TYW1: variants seen among roughly 807,000 people sequenced by gnomAD.
The protein encoded by TYW1 is S-adenosyl-L-methionine-dependent tRNA 4-demethylwyosine synthase TYW1.
TYW1 carries 46 observed loss-of-function variants against 96.2 expected under a neutral mutation model. The ratio of observed to expected loss-of-function variants is 0.48; its 90% CI spans 0.38 to 0.61. The LOEUF (loss-of-function observed/expected upper bound fraction) is 0.61, where lower values mean the gene tolerates loss of function less well. Among genes scored for constraint, TYW1 ranks in the 20% least tolerant of loss-of-function variants. TYW1 has a pLI of 0.00. For synonymous variants in TYW1, 274 were observed against 323.0 expected (o/e 0.85, Z 1.63); for missense variants, 684 against 909.6 (o/e 0.75, Z 3.19).
intron 15 of TYW1, among the ~76,000 whole-genome samples, chr7:67,227,343 G>A (rs185602310): frequency 1.3e-5 from 2 of 152,154 alleles, no homozygotes; most frequent in South Asian, 2.1e-4. Flanking sequence ...AGCAACCTCC[G>A]CCTCCCAGGT....
chr7:67,010,476 GA>G (rs1475678362), intron 4 of TYW1, among the ~76,000 whole-genome samples: 1 of 148,308 alleles, frequency 6.7e-6, no homozygotes. Flanking sequence ...AATTTTAAAA[GA>G]TTTTTTTTTT....
chr7:67,172,661 G>A (rs1296955049), intron 13 of TYW1, among the ~76,000 whole-genome samples: 1 of 152,110 alleles, frequency 6.6e-6, no homozygotes, highest in African/African-American at 2.4e-5. Flanking sequence ...GACCTCAGGG[G>A]ATCTGCTCAC....
chr7:67,077,186 G>T lies in TYW1; in HGVS notation c.1275-6244G>T, dbSNP rs1796234092. Among the ~76,000 whole-genome samples the T allele has an allele frequency of 2.0e-5, 3 of 152,146 alleles. No homozygotes were observed. In the South Asian group the frequency reaches 6.2e-4, roughly 32 times the overall value. On this transcript the variant is annotated intron_variant, in intron 10 of 15. Transcript: ENST00000359626. ...GTTGGTTCTGTATCTTGGTGATTGT[G>T]AATAGTGCTGCCATAAGCATGAGAA...
chr7:67,227,439 T>C (rs1801600440), intron 15 of TYW1, among the ~76,000 whole-genome samples: 1 of 152,254 alleles, frequency 6.6e-6, no homozygotes, highest in East Asian at 1.9e-4. Context: ...GTATTTTTAG[T>C]AGAGACGGAG....
chr7:67,085,264 TCCATAATCC>T (rs1796511776), intron 11 of TYW1, among the ~76,000 whole-genome samples: 2 of 152,178 alleles, frequency 1.3e-5, no homozygotes, highest in South Asian at 4.1e-4. Context: ...AATTGTAATC[TCCATAATCC>T]CCATAATCCC....
chr7:67,229,063 C>G (rs963540338), intron 15 of TYW1, among the ~76,000 whole-genome samples: 3 of 152,126 alleles, frequency 2.0e-5, no homozygotes, highest in African/African-American at 7.2e-5. Flanking sequence ...TAAATAAAAT[C>G]AAAGAAATCA....
At chr7:67,140,374 G>GA (rs200778624) in intron 13 of TYW1, among the ~76,000 whole-genome samples, 10,434 of 137,408 alleles carry the variant, frequency 0.076, 373 homozygotes, top group South Asian at 0.18. Flanking sequence ...GAATAATTCT[G>GA]AAAAAAAAAA....
intron 15 of TYW1, among the ~76,000 whole-genome samples, chr7:67,205,449 C>A (rs1203313294): frequency 6.6e-6 from 1 of 151,466 alleles, no homozygotes; most frequent in African/African-American, 2.4e-5. Context: ...TAAGCTTCTT[C>A]TGACACCACT....
At chr7:67,067,111 A>G in intron 9 of TYW1, 174 bp from the exon 10 acceptor site, 1 of 695,974 alleles carries the variant, frequency 1.4e-6, no homozygotes, top group South Asian at 1.9e-5. Flanking sequence ...GTAAAAACCC[A>G]AAGCACTGCC....
Position 67,195,354 on chromosome 7 carries a change from C to T in TYW1, c.1977+17C>T. On this transcript the variant is annotated intron_variant, in intron 15 of 15. Transcript: ENST00000359626. Reference sequence around the variant, plus strand: ...CACAGAAAGGTAAGAATAACTCAAACATGGATTCTTCTGTTCCCCGACCCT... The same window carrying T: ...CACAGAAAGGTAAGAATAACTCAAATATGGATTCTTCTGTTCCCCGACCCT... The T allele has an allele frequency of 6.2e-7, 1 of 1,613,158 alleles. No homozygotes were observed. Among genetic ancestry groups the T allele is most frequent in the Non-Finnish European group, 8.5e-7 (1 of 1,179,394 alleles).
Position 66,996,835 on chromosome 7 carries a change from G to T in TYW1, c.-144G>T. On this transcript the variant is annotated 5_prime_UTR_variant, in exon 1 of 16. Coordinates refer to ENST00000359626, the MANE Select transcript of TYW1 (RefSeq NM_018264.4). Reference sequence around the variant, plus strand: ...CCTCTGAACCAATCAGGACCGGCCTGGCAGTGTCATGGCTGCCCACAGGTC... The same window carrying T: ...CCTCTGAACCAATCAGGACCGGCCTTGCAGTGTCATGGCTGCCCACAGGTC... The T allele has an allele frequency of 6.8e-7, 1 of 1,460,962 alleles. No homozygotes were observed. Among genetic ancestry groups the T allele is most frequent in the Non-Finnish European group, 9.4e-7 (1 of 1,066,778 alleles). The allele number at this position is 1,460,962 out of a possible 1,614,324, so 90.5% of individuals were successfully genotyped here. A position where few individuals can be genotyped will look rare whatever the true frequency, so the allele number is the denominator to read the frequency against.
chr7:67,150,440 C>T (rs1798759517), intron 13 of TYW1, among the ~76,000 whole-genome samples: 3 of 152,170 alleles, frequency 2.0e-5, no homozygotes, highest in Admixed American at 2.0e-4. Flanking sequence ...CATTATCAAA[C>T]ACAAAGATTA....
chr7:67,036,920 C>T (rs536788679), intron 7 of TYW1, among the ~76,000 whole-genome samples: 2 of 152,298 alleles, frequency 1.3e-5, no homozygotes, highest in South Asian at 4.1e-4. Context: ...AGCTGCTGGG[C>T]AGGGACTGGA....
intron 15 of TYW1, among the ~76,000 whole-genome samples, chr7:67,207,536 G>C (rs66806481): frequency 0.27 from 40,789 of 151,946 alleles, 5,836 homozygotes; most frequent in African/African-American, 0.36. Context: ...ATCCATGCTT[G>C]GTGAAAGTCA....
chr7:67,029,691 G>T (rs1584481534), intron 7 of TYW1, among the ~76,000 whole-genome samples: 1 of 151,828 alleles, frequency 6.6e-6, no homozygotes, highest in South Asian at 2.1e-4. Flanking sequence ...TAAGATTGCA[G>T]GTTTGTTTTT....
intron 13 of TYW1, among the ~76,000 whole-genome samples, chr7:67,148,587 G>A (rs1440935538): frequency 4.0e-5 from 6 of 151,760 alleles, no homozygotes; most frequent in Admixed American, 2.0e-4. Context: ...CACCACGCCC[G>A]GCTAATTTTT....
At chr7:67,001,656 A>G (rs537726341) in intron 3 of TYW1, among the ~76,000 whole-genome samples, 33 of 151,784 alleles carry the variant, frequency 2.2e-4, no homozygotes, top group African/African-American at 5.5e-4. Context: ...TCCTGACCTC[A>G]TGATCTGCCC....
chr7:67,144,459 A>G (rs545786168), intron 13 of TYW1, among the ~76,000 whole-genome samples: 1 of 150,082 alleles, frequency 6.7e-6, no homozygotes, highest in South Asian at 2.1e-4. Flanking sequence ...GTTTTCCACT[A>G]CAACATCTCT....
intron 10 of TYW1, among the ~76,000 whole-genome samples, chr7:67,069,171 T>C (rs1795960259): frequency 6.6e-6 from 1 of 152,186 alleles, no homozygotes; most frequent in Non-Finnish European, 1.5e-5. Context: ...ATTTGGGGGT[T>C]ACAAATAAAT....
Sources: allele counts gnomAD v4.1 joint callset (sites outside exome capture counted in the v4.1 genomes callset), GRCh38; gene constraint gnomAD v4.1.1; transcripts MANE v1.5; gene names NCBI Gene and HGNC (gene_info 2026-07-23, HGNC 2026-07-21).